The following TRPM3 variants were observed in gnomAD, a reference collection of about 807,000 sequenced individuals.
The protein encoded by TRPM3 is transient receptor potential cation channel subfamily M member 3.
TRPM3 carries 77 observed loss-of-function variants against 181.2 expected under a neutral mutation model. The observed-to-expected ratio is 0.42, with a 90% CI of 0.35 to 0.51. The LOEUF is 0.51. TRPM3 is among the 20% of genes least tolerant of loss of function. The pLI, the probability that TRPM3 is intolerant of heterozygous loss-of-function variation, is 0.01. For synonymous variants in TRPM3, 745 were observed against 796.4 expected (o/e 0.94, Z 1.09); for missense variants, 1,759 against 2,196.7 (o/e 0.80, Z 3.98).
At chr9:71,012,176 A>G (rs1259579689) in intron 1 of TRPM3, among the ~76,000 whole-genome samples, 1 of 152,156 alleles carries the variant, frequency 6.6e-6, no homozygotes, top group African/African-American at 2.4e-5. Context: ...GGTATGAGGT[A>G]TGGATTCAAC....
intron 1 of TRPM3, among the ~76,000 whole-genome samples, chr9:70,955,054 G>A (rs7029307): frequency 0.014 from 2,059 of 152,170 alleles, 57 homozygotes; most frequent in African/African-American, 0.046. Flanking sequence ...TATTTCCTGC[G>A]TTTTCAGAGT....
intron 9 of TRPM3, among the ~76,000 whole-genome samples, chr9:70,667,216 G>A (rs1254438488): frequency 6.6e-6 from 1 of 151,986 alleles, no homozygotes; most frequent in Non-Finnish European, 1.5e-5. Flanking sequence ...GGAAGCCCCC[G>A]AGAACATAAG....
At chr9:71,425,788 C>T (rs1166589444) in intron 1 of TRPM3, among the ~76,000 whole-genome samples, 1 of 152,264 alleles carries the variant, frequency 6.6e-6, no homozygotes, top group South Asian at 2.1e-4. Context: ...GGGTACTATA[C>T]AATCTGGCCC....
At position 70,610,688 on chromosome 9, in the gene TRPM3, C is replaced by T; in HGVS notation, c.2588G>A (p.Ser863Asn). 5 of 1,614,194 alleles carry T rather than the reference C, an allele frequency of 3.1e-6. No individual in the cohort carries two copies. Among genetic ancestry groups the T allele is most frequent in the East Asian group, 2.2e-5 (1 of 44,884 alleles). ...SRKKDEEEVQ[S>N]KHRLIPLGRK... ...GCCGAGGGGGATTAACCGGTGCTTG[C>T]TCTGAACTTCCTCTTCATCCTTCTT... Residue 863 changes from serine (S) to asparagine (N), a missense_variant, in exon 19 of 26, where the codon AGC becomes AAC. Transcript: ENST00000677713.
At chr9:71,124,415 C>T (rs976535615), upstream of TRPM3, among the ~76,000 whole-genome samples, 1 of 152,098 alleles carries the variant, frequency 6.6e-6, no homozygotes, top group Admixed American at 6.5e-5. Context: ...TACATATCTG[C>T]AGAACAAATT....
chr9:71,154,270 G>T (rs922004616), intron 1 of TRPM3, among the ~76,000 whole-genome samples: 1 of 152,020 alleles, frequency 6.6e-6, no homozygotes, highest in Non-Finnish European at 1.5e-5. Flanking sequence ...GTAGTTGTAA[G>T]CTCTATAAGT....
intron 1 of TRPM3, among the ~76,000 whole-genome samples, chr9:71,256,239 A>C (rs1384011761): frequency 1.3e-5 from 2 of 152,198 alleles, no homozygotes; most frequent in African/African-American, 4.8e-5. Flanking sequence ...TCATGGCTGA[A>C]GTCACTGCGT....
chr9:70,802,002 C>G (rs1426912767), intron 6 of TRPM3, among the ~76,000 whole-genome samples: 1 of 152,170 alleles, frequency 6.6e-6, no homozygotes, highest in African/African-American at 2.4e-5. Context: ...CACTGCTGGA[C>G]CCCACCTCCA....
At chr9:70,741,266 A>C (rs963355486) in intron 8 of TRPM3, among the ~76,000 whole-genome samples, 11 of 152,220 alleles carry the variant, frequency 7.2e-5, no homozygotes, top group Non-Finnish European at 1.5e-4. Flanking sequence ...ATGCAATACC[A>C]CCTTACTCCT....
intron 1 of TRPM3, among the ~76,000 whole-genome samples, chr9:71,151,435 C>T (rs1051148153): frequency 1.3e-5 from 2 of 151,976 alleles, no homozygotes; most frequent in East Asian, 1.9e-4. Flanking sequence ...TACCATTGTT[C>T]ATCTATCAGA....
chr9:70,762,449 T>C (rs1332905897), intron 7 of TRPM3, among the ~76,000 whole-genome samples: 2 of 152,200 alleles, frequency 1.3e-5, no homozygotes, highest in African/African-American at 4.8e-5. Context: ...ACAACTAATT[T>C]TTAACTTCTT....
intron 1 of TRPM3, among the ~76,000 whole-genome samples, chr9:71,189,857 C>G (rs975831843): frequency 6.6e-6 from 1 of 151,736 alleles, no homozygotes; most frequent in Non-Finnish European, 1.5e-5. Context: ...ACATATACCT[C>G]TAATGTGGTT....
chr9:71,339,770 C>A lies in TRPM3; in HGVS notation c.183+106883G>T, dbSNP rs1266061504. On this transcript the variant is annotated intron_variant, in intron 1 of 24. Coordinates refer to the TRPM3 transcript ENST00000357533. ...AGAAAAGTTGACTCTGAGGGGGTAG[C>A]AGGAGAATTTTGGGGATGATGGAGT... 5.9e-5 allele frequency among the ~76,000 whole-genome samples: 9 copies of A among 151,996 alleles called. 1 individual carries two copies. Among genetic ancestry groups the A allele is most frequent in the Admixed American group, 5.9e-4 (9 of 15,222 alleles).
At chr9:71,288,961 T>C (rs1193981119) in intron 1 of TRPM3, among the ~76,000 whole-genome samples, 5 of 152,122 alleles carry the variant, frequency 3.3e-5, no homozygotes, top group Non-Finnish European at 5.9e-5. Context: ...ACTTTCTAAC[T>C]GCAAGTCCAG....
At chr9:70,606,500 C>T (rs1264059394) in intron 19 of TRPM3, among the ~76,000 whole-genome samples, 1 of 152,138 alleles carries the variant, frequency 6.6e-6, no homozygotes, top group Non-Finnish European at 1.5e-5. Flanking sequence ...ATACAGACTT[C>T]TGAAAATAGG....
At chr9:70,762,354 T>C (rs1000302776) in intron 7 of TRPM3, among the ~76,000 whole-genome samples, 5 of 152,202 alleles carry the variant, frequency 3.3e-5, no homozygotes, top group African/African-American at 1.2e-4. Flanking sequence ...AAAAGATACT[T>C]TTATGCTATA....
chr9:70,625,187 T>TC lies in TRPM3; in HGVS notation c.1809+3dup. 6.2e-7 allele frequency: 1 copy of TC among 1,613,974 alleles called. No individual in the cohort carries two copies. ...AAGGGCCCCGAATTTGCAGCCAGCCTCACCCTCTTGGGGCCGAAGAGGTTG... is the reference window on the plus strand; with the variant it reads ...AAGGGCCCCGAATTTGCAGCCAGCCTCCACCCTCTTGGGGCCGAAGAGGTTG... On this transcript the variant is annotated splice_donor_region_variant and intron_variant, in intron 14 of 25. Transcript: ENST00000677713. This position sits in a 1 kb window ranked among gnomAD's most constrained non-coding sequence, Gnocchi z 4.8.
chr9:71,010,834 T>G (rs2134362973), intron 1 of TRPM3, among the ~76,000 whole-genome samples: 1 of 152,228 alleles, frequency 6.6e-6, no homozygotes, highest in Non-Finnish European at 1.5e-5. Context: ...CTCCCATGTT[T>G]ATTGCAGCAC....
intron 1 of TRPM3, among the ~76,000 whole-genome samples, chr9:71,199,454 G>A (rs897746310): frequency 1.3e-5 from 2 of 152,122 alleles, no homozygotes; most frequent in Non-Finnish European, 2.9e-5. Flanking sequence ...AATGGTACCA[G>A]TTCCTCCTTG....
Sources: allele counts gnomAD v4.1 joint callset (sites outside exome capture counted in the v4.1 genomes callset), GRCh38; gene constraint gnomAD v4.1.1; non-coding constraint Gnocchi (gnomAD v3.1); transcripts MANE v1.5; gene names NCBI Gene and HGNC (gene_info 2026-07-23, HGNC 2026-07-21).